Variants in CCSER1 observed in about 807,000 individuals in gnomAD.
CCSER1 encodes serine-rich coiled-coil domain-containing protein 1.
CCSER1 carries 41 observed loss-of-function variants against 82.0 expected under a neutral mutation model. The observed-to-expected ratio is 0.50, with a 90% confidence interval of 0.39 to 0.65. CCSER1 has a LOEUF of 0.65. Among genes scored for constraint, CCSER1 ranks in the 30% least tolerant of loss-of-function variants. The pLI is 0.00. For synonymous variants in CCSER1, 414 were observed against 383.9 expected, an observed-to-expected ratio of 1.08 and a Z score of -0.92; for missense variants, 1,119 against 1,064.2, an observed-to-expected ratio of 1.05 and a Z score of -0.72.
intron 10 of CCSER1, among the ~76,000 whole-genome samples, chr4:91,153,303 G>A (rs3207482): frequency 0.11 from 17,151 of 151,598 alleles, 1,224 homozygotes; most frequent in East Asian, 0.24. Context: ...TGATCGAATC[G>A]GCTCTTGAAG....
intron 8 of CCSER1, among the ~76,000 whole-genome samples, chr4:90,852,164 C>T (rs1209175309): frequency 6.6e-6 from 1 of 152,168 alleles, no homozygotes; most frequent in Non-Finnish European, 1.5e-5. Context: ...TCAAACTTTA[C>T]TCATAGGACT....
At position 90,310,396 on chromosome 4, in the gene CCSER1, A is replaced by G. The variant is rs539322409; in HGVS notation, c.1324+788A>G. On this transcript the variant is annotated intron_variant, in intron 2 of 10. Transcript: ENST00000509176. ...GACATATTTTAATTCCTTTTTCTCT[A>G]CTATCATTAATGCTACTACTGCTAC... is the stretch of plus-strand genomic sequence containing the variant. Among the ~76,000 whole-genome samples, 4 of 152,014 alleles carry G rather than the reference A, an allele frequency of 2.6e-5. No individual in the cohort carries two copies. The South Asian group carries it at 8.3e-4, about 32-fold the overall frequency.
intron 6 of CCSER1, among the ~76,000 whole-genome samples, chr4:90,707,204 T>G (rs1739517980): frequency 6.6e-6 from 1 of 152,176 alleles, no homozygotes; most frequent in African/African-American, 2.4e-5. Flanking sequence ...GACACATAGC[T>G]TATCTTTGTC....
chr4:90,984,827 C>T (rs533965783), intron 9 of CCSER1, among the ~76,000 whole-genome samples: 1 of 151,900 alleles, frequency 6.6e-6, no homozygotes, highest in Non-Finnish European at 1.5e-5. Flanking sequence ...TTAGTCTGTA[C>T]ACAGTCAGAC....
intron 3 of CCSER1, among the ~76,000 whole-genome samples, chr4:90,378,179 C>A (rs1402104373): frequency 6.6e-6 from 1 of 152,078 alleles, no homozygotes; most frequent in Non-Finnish European, 1.5e-5. Context: ...CCTACCTCTG[C>A]CTTCAGTAAT....
At chr4:91,045,260 T>G (rs1364046789) in intron 9 of CCSER1, among the ~76,000 whole-genome samples, 1 of 152,216 alleles carries the variant, frequency 6.6e-6, no homozygotes, top group Non-Finnish European at 1.5e-5. Context: ...TTTTAAAAAT[T>G]TAGTTGTTAA....
rs191354883 is a variant in CCSER1, at chr4:91,339,239, A to T, written c.2217+253245A>T. 2.6e-5 allele frequency among the ~76,000 whole-genome samples: 4 copies of T among 152,286 alleles called. No homozygotes were observed. In the East Asian group the frequency reaches 7.7e-4, roughly 29 times the overall value. ...TGAAAGATAAGACAATTAAGAATGGAGTCTAAGTGAATTCTTAGCACTTGC... is the reference window on the plus strand; with the variant it reads ...TGAAAGATAAGACAATTAAGAATGGTGTCTAAGTGAATTCTTAGCACTTGC... On this transcript the variant is annotated intron_variant, in intron 10 of 10. Coordinates refer to ENST00000509176, the MANE Select transcript of CCSER1 (RefSeq NM_001145065.2).
chr4:90,861,928 T>A (rs56934134), intron 8 of CCSER1, among the ~76,000 whole-genome samples: 35,155 of 108,586 alleles, frequency 0.32, 4,801 homozygotes, highest in African/African-American at 0.4. Context: ...ATATATATAT[T>A]TTTTTTTTCT....
intron 10 of CCSER1, among the ~76,000 whole-genome samples, chr4:91,178,837 G>A (rs1177767369): frequency 1.3e-5 from 2 of 152,106 alleles, no homozygotes; most frequent in Non-Finnish European, 2.9e-5. Context: ...ATTTGATCCT[G>A]TCATTATGAT....
At chr4:91,136,220 A>G (rs533134549) in intron 10 of CCSER1, among the ~76,000 whole-genome samples, 3 of 152,310 alleles carry the variant, frequency 2.0e-5, no homozygotes, top group East Asian at 1.9e-4. Flanking sequence ...CAGTTCATCA[A>G]TTAAAACACT....
chr4:90,924,840 C>T (rs28544202), intron 9 of CCSER1, among the ~76,000 whole-genome samples: 6,372 of 152,194 alleles, frequency 0.042, 350 homozygotes, highest in African/African-American at 0.13. Flanking sequence ...GATTCTCCTG[C>T]CTCACCATCC....
chr4:90,841,669 T>C (rs1033510676), intron 8 of CCSER1, among the ~76,000 whole-genome samples: 1 of 152,038 alleles, frequency 6.6e-6, no homozygotes, highest in East Asian at 1.9e-4. Flanking sequence ...CTATTAGAAC[T>C]GTTTATTAGG....
chr4:90,214,148 G>A (rs1028245889), intron 1 of CCSER1, among the ~76,000 whole-genome samples: 1 of 152,150 alleles, frequency 6.6e-6, no homozygotes, highest in Admixed American at 6.5e-5. Context: ...GGGATGGAAC[G>A]CAGTGCAAAT....
At chr4:90,932,963 AAAG>A (rs1730165001) in intron 9 of CCSER1, among the ~76,000 whole-genome samples, 2 of 47,156 alleles carry the variant, frequency 4.2e-5, no homozygotes, top group East Asian at 4.4e-4. Flanking sequence ...AGAAAGAAAG[AAAG>A]AAAGAAAGAA....
intron 10 of CCSER1, among the ~76,000 whole-genome samples, chr4:91,544,361 C>T (rs573547895): frequency 2.6e-5 from 4 of 152,286 alleles, no homozygotes; most frequent in Admixed American, 1.3e-4. Context: ...CAAGGAACTG[C>T]GTCCCTTTGG....
chr4:90,513,823 A>C (rs907501931), intron 5 of CCSER1, among the ~76,000 whole-genome samples: 1 of 152,224 alleles, frequency 6.6e-6, no homozygotes, highest in Admixed American at 6.5e-5. Context: ...ATGATGGACA[A>C]CTACAAAGAT....
intron 10 of CCSER1, among the ~76,000 whole-genome samples, chr4:91,127,810 A>G (rs1041643067): frequency 2.0e-5 from 3 of 152,084 alleles, no homozygotes; most frequent in African/African-American, 7.2e-5. Flanking sequence ...GCAAATAGTT[A>G]TTGCATGCCT....
chr4:90,612,198 G>A (rs1445893241), intron 5 of CCSER1, among the ~76,000 whole-genome samples: 1 of 151,866 alleles, frequency 6.6e-6, no homozygotes, highest in African/African-American at 2.4e-5. Context: ...TTTATCTCAA[G>A]GTAAAATTTT....
At chr4:90,188,292 A>T (rs538963052) in intron 1 of CCSER1, among the ~76,000 whole-genome samples, 136 of 151,840 alleles carry the variant, frequency 9.0e-4, no homozygotes, top group Non-Finnish European at 1.5e-3. Context: ...AGGATTTTTT[A>T]AAAAAATATA....
Sources: allele counts gnomAD v4.1 joint callset (sites outside exome capture counted in the v4.1 genomes callset), GRCh38; gene constraint gnomAD v4.1.1; transcripts MANE v1.5; gene names NCBI Gene and HGNC (gene_info 2026-07-23, HGNC 2026-07-21).